The following SLC12A6 variants were observed in gnomAD, a reference collection of about 807,000 sequenced individuals.
The protein encoded by SLC12A6 is K-Cl cotransporter 3.
SLC12A6 carries 66 observed loss-of-function variants against 135.3 expected under a neutral mutation model. The observed-to-expected ratio is 0.49, with a 90% CI of 0.40 to 0.60. SLC12A6 has a LOEUF of 0.60. SLC12A6 is among the 20% of genes least tolerant of loss of function. The probability of loss-of-function intolerance (pLI) is 0.00; values close to 1 mark genes in which losing one functional copy is unlikely to be tolerated. For missense variants in SLC12A6, 1,058 were observed against 1,452.3 expected (o/e 0.73, Z 4.41); for synonymous variants, 513 against 508.8 (o/e 1.01, Z -0.11).
intron 2 of SLC12A6, among the ~76,000 whole-genome samples, chr15:34,294,432 T>C (rs927523150): frequency 2.6e-5 from 4 of 152,202 alleles, no homozygotes; most frequent in African/African-American, 9.6e-5. Context: ...AATTTTTGTA[T>C]TCTTAGTAGA....
intron 15 of SLC12A6, among the ~76,000 whole-genome samples, chr15:34,244,337 CA>C (rs1891844612): frequency 6.6e-6 from 1 of 152,182 alleles, no homozygotes; most frequent in African/African-American, 2.4e-5. Flanking sequence ...ATTCACTTAC[CA>C]AGTCCTATGG....
In SLC12A6 at chr15:34,332,868, C is replaced by T. The variant is rs555422787; in HGVS notation, c.271+3542G>A. Among the ~76,000 whole-genome samples the T allele has an allele frequency of 8.8e-4, 133 of 151,864 alleles. 1 individual carries two copies. The highest frequency in any genetic ancestry group is 3.1e-3 in the African/African-American group (128 of 41,436). ...GTTTTATAGCCACATGGTTATAAAG[C>T]ACATGTAAAAAATGTTCATCATAGC... On this transcript the variant is annotated intron_variant, in intron 2 of 25. Coordinates refer to ENST00000354181, the MANE Select transcript of SLC12A6 (RefSeq NM_001365088.1).
chr15:34,333,232 C>CTTT (rs572611561), intron 2 of SLC12A6, among the ~76,000 whole-genome samples: 2 of 133,484 alleles, frequency 1.5e-5, no homozygotes, highest in Non-Finnish European at 3.2e-5. Flanking sequence ...TTTTCTTTTT[C>CTTT]TTTTTTTTTT....
intron 9 of SLC12A6, among the ~76,000 whole-genome samples, chr15:34,253,189 C>T (rs1595436320): frequency 6.6e-6 from 1 of 152,162 alleles, no homozygotes; most frequent in Non-Finnish European, 1.5e-5. Flanking sequence ...TTATTATGAA[C>T]CATGTACCTA....
chr15:34,240,543 A>G, intron 19 of SLC12A6, 118 bp downstream of exon 19: 1 of 886,150 alleles, frequency 1.1e-6, no homozygotes, highest in Non-Finnish European at 1.9e-6. Flanking sequence ...GGTCAGCACT[A>G]AGTGAGAAAC....
At chr15:34,302,713 G>A (rs141442208) in intron 2 of SLC12A6, among the ~76,000 whole-genome samples, 1,811 of 152,038 alleles carry the variant, frequency 0.012, 15 homozygotes, top group Middle Eastern at 0.037. Context: ...CACTTCCGGA[G>A]GTGGAGGTGG....
chr15:34,319,108 A>G (rs1466622752), intron 2 of SLC12A6, among the ~76,000 whole-genome samples: 1 of 151,648 alleles, frequency 6.6e-6, no homozygotes, highest in South Asian at 2.1e-4. Context: ...ATTTCACACA[A>G]GAAAGATTAG....
In SLC12A6 at chr15:34,285,030, G is replaced by A. The variant is rs938878281; in HGVS notation, c.272-9641C>T. Among the ~76,000 whole-genome samples, 8 of 152,292 alleles carry A rather than the reference G, an allele frequency of 5.3e-5. No individual in the cohort carries two copies. In the East Asian group the frequency reaches 7.7e-4, roughly 15 times the overall value. On this transcript the variant is annotated intron_variant, in intron 2 of 25. Coordinates refer to ENST00000354181, the MANE Select transcript of SLC12A6 (RefSeq NM_001365088.1). ...AGTGACAGAGTATGGAATAAGAGATGGATATAGATGTTGGAGGAGGAATCA... is the reference window on the plus strand; with the variant it reads ...AGTGACAGAGTATGGAATAAGAGATAGATATAGATGTTGGAGGAGGAATCA...
chr15:34,273,962 CA>C (rs1422831804), intron 3 of SLC12A6, among the ~76,000 whole-genome samples: 1 of 151,886 alleles, frequency 6.6e-6, no homozygotes, highest in Non-Finnish European at 1.5e-5. Flanking sequence ...TAAACATGTA[CA>C]TATCTTTTGA....
Position 34,250,720 on chromosome 15 carries a change from G to T in SLC12A6, c.1502C>A (p.Ala501Asp). 1 of 1,590,294 alleles carries T rather than the reference G, an allele frequency of 6.3e-7. No individual in the cohort carries two copies. The highest frequency in any genetic ancestry group is 8.6e-7 in the Non-Finnish European group (1 of 1,158,330). ...CAGATCTCCAGATCTGTTTGATCCA[G>T]CCATGATACCTTTAGAGATAAGGGG... ...IFFPSVTGIM[A>D]GSNRSGDLKD... Residue 501 changes from alanine (A) to aspartate (D), a missense_variant, in exon 12 of 26, where the codon GCT (alanine) becomes GAT (aspartate). Physicochemically the swap from Ala to Asp is moderately radical, Grantham distance 126. This residue lies in a region of SLC12A6 where 297 missense variants were observed against 318.5 expected (regional missense o/e 0.93). Coordinates refer to ENST00000354181, the MANE Select transcript of SLC12A6 (RefSeq NM_001365088.1).
At chr15:34,262,255 T>C (rs1893187593) in intron 3 of SLC12A6, among the ~76,000 whole-genome samples, 1 of 152,160 alleles carries the variant, frequency 6.6e-6, no homozygotes, top group Non-Finnish European at 1.5e-5. Flanking sequence ...GTGCCTTTGT[T>C]TTAGCCTTTT....
At chr15:34,287,079 G>C (rs187901166) in intron 2 of SLC12A6, among the ~76,000 whole-genome samples, 1 of 152,156 alleles carries the variant, frequency 6.6e-6, no homozygotes, top group Admixed American at 6.5e-5. Flanking sequence ...TGCCATGGTG[G>C]TTTGCTGCAC....
intron 19 of SLC12A6, among the ~76,000 whole-genome samples, chr15:34,240,223 T>G (rs1177964125): frequency 6.6e-6 from 1 of 152,148 alleles, no homozygotes; most frequent in Non-Finnish European, 1.5e-5. Context: ...AAGTAGAACT[T>G]TAATGTTCAA....
chr15:34,290,688 G>C (rs192006228), intron 2 of SLC12A6, among the ~76,000 whole-genome samples: 2 of 152,314 alleles, frequency 1.3e-5, no homozygotes, highest in East Asian at 3.9e-4. Flanking sequence ...ATTTAGGATA[G>C]TTAGCTCTTC....
intron 2 of SLC12A6, among the ~76,000 whole-genome samples, chr15:34,335,841 G>C (rs1260596684): frequency 6.6e-6 from 1 of 152,190 alleles, no homozygotes; most frequent in African/African-American, 2.4e-5. Context: ...TCTTCCATTT[G>C]ACAGAATAGC....
Position 34,285,291 on chromosome 15 carries a change from G to A in SLC12A6, c.272-9902C>T, listed in dbSNP as rs73390101. Among the ~76,000 whole-genome samples, 666 of 152,336 alleles carry A rather than the reference G, an allele frequency of 4.4e-3. 9 individuals are homozygous for A. The highest frequency in any genetic ancestry group is 0.015 in the African/African-American group (643 of 41,582). The stretch of plus-strand genomic sequence containing the variant: ...TCAGAAATACTAGAGGTAATGAGAA[G>A]TGGTCAGATGCTGGATATGTTGACT... On this transcript the variant is annotated intron_variant, in intron 2 of 25. Coordinates refer to ENST00000354181, the MANE Select transcript of SLC12A6 (RefSeq NM_001365088.1).
In SLC12A6 at chr15:34,230,789, A is replaced by G. The variant is rs899564303; in HGVS notation, c.*3092T>C. 6.5e-6 allele frequency: 1 copy of G among 152,672 alleles called. No homozygotes were observed. Among genetic ancestry groups the G allele is most frequent in the African/African-American group, 2.4e-5 (1 of 41,470 alleles). 9.5% of individuals were successfully genotyped at this position (152,672 alleles called of 1,614,324 possible). A position where few individuals can be genotyped will look rare whatever the true frequency, so the allele number is the denominator to read the frequency against. On this transcript the variant is annotated 3_prime_UTR_variant, in exon 26 of 26. Coordinates refer to ENST00000354181, the MANE Select transcript of SLC12A6 (RefSeq NM_001365088.1). ...CATGAAATACTCTAGACAGACATGA[A>G]TATAAATCTGGCCTAATAACCAGTT... is the stretch of plus-strand genomic sequence containing the variant.
Position 34,240,838 on chromosome 15 carries a change from A to G in SLC12A6, c.2268-9T>C, listed in dbSNP as rs939060732. On this transcript the variant is annotated splice_polypyrimidine_tract_variant and intron_variant, in intron 18 of 25. Coordinates refer to ENST00000354181, the MANE Select transcript of SLC12A6 (RefSeq NM_001365088.1). The stretch of plus-strand genomic sequence containing the variant: ...ATACAAGCAACTGAGGCCTGTGAAG[A>G]GGTTGGTGGGGGTTGGAGGGGAGGA... The G allele has an allele frequency of 2.5e-6, 4 of 1,610,446 alleles. No homozygotes were observed. Among genetic ancestry groups the G allele is most frequent in the African/African-American group, 2.7e-5 (2 of 74,846 alleles).
chr15:34,264,667 T>TA (rs1893374012), intron 3 of SLC12A6, among the ~76,000 whole-genome samples: 1 of 152,126 alleles, frequency 6.6e-6, no homozygotes, highest in Non-Finnish European at 1.5e-5. Context: ...CTCTTTTTTT[T>TA]AAAAAGGGCA....
Sources: gnomAD v4.1 joint callset for allele counts (sites outside exome capture counted in the v4.1 genomes callset) on GRCh38, gnomAD v4.1.1 for gene constraint, gnomAD v4.1.1 regional missense constraint, MANE v1.5 for transcripts, NCBI Gene and HGNC (gene_info 2026-07-23, HGNC 2026-07-21) for gene names.